The following CEP83 variants were observed in gnomAD, a reference collection of about 807,000 sequenced individuals.
The protein encoded by CEP83 is centrosomal protein 83.
A neutral mutation model predicts 101.9 loss-of-function variants in CEP83; 70 were observed. The ratio of observed to expected loss-of-function variants is 0.69; its 90% CI spans 0.57 to 0.84. CEP83 has a LOEUF of 0.84. Ranked by LOEUF, CEP83 falls within the 40% of genes least tolerant of loss-of-function variation. The pLI, the probability that CEP83 is intolerant of heterozygous loss-of-function variation, is 0.00. For missense variants in CEP83, 715 were observed against 787.2 expected (o/e 0.91, Z 1.10); for synonymous variants, 264 against 267.9 (o/e 0.99, Z 0.14).
chr12:94,393,244 A>G (rs1200065990), intron 6 of CEP83, among the ~76,000 whole-genome samples: 1 of 152,198 alleles, frequency 6.6e-6, no homozygotes, highest in African/African-American at 2.4e-5. Flanking sequence ...CTGGCAAACC[A>G]AATCCAGCAG....
chr12:94,378,395 G>T (rs1230164909), intron 7 of CEP83, among the ~76,000 whole-genome samples: 1 of 152,128 alleles, frequency 6.6e-6, no homozygotes, highest in African/African-American at 2.4e-5. Context: ...GTTCAAACAG[G>T]ATTTGTGACT....
intron 1 of CEP83, among the ~76,000 whole-genome samples, chr12:94,447,381 T>A (rs1328864396): frequency 6.6e-6 from 1 of 152,160 alleles, no homozygotes; most frequent in Non-Finnish European, 1.5e-5. Flanking sequence ...GGCACGTGCC[T>A]GTAGTTCCAG....
chr12:94,403,525 A>AAC (rs2063371240), intron 4 of CEP83, among the ~76,000 whole-genome samples: 1 of 152,236 alleles, frequency 6.6e-6, no homozygotes, highest in Non-Finnish European at 1.5e-5. Context: ...TGTTAGGAAT[A>AAC]ACTATGTTGG....
chr12:94,370,055 T>C lies in CEP83; in HGVS notation c.934-19A>G, dbSNP rs1466058582. The C allele has an allele frequency of 7.3e-7, 1 of 1,376,158 alleles. No individual in the cohort carries two copies. Among genetic ancestry groups the C allele is most frequent in the East Asian group, 2.3e-5 (1 of 43,628 alleles). 85.2% of individuals were successfully genotyped at this position (1,376,158 alleles called of 1,614,324 possible). A position where few individuals can be genotyped will look rare whatever the true frequency, so the allele number is the denominator to read the frequency against. On this transcript the variant is annotated intron_variant, in intron 8 of 16. Coordinates refer to ENST00000397809, the MANE Select transcript of CEP83 (RefSeq NM_016122.3). ...CTTTTACCTGTTGATAATTAAAAAC[T>C]GAAATTACTATTGGTCATTTTCTTG...
At chr12:94,393,343 T>C in intron 6 of CEP83, among the ~76,000 whole-genome samples, 1 of 152,140 alleles carries the variant, frequency 6.6e-6, no homozygotes, top group Non-Finnish European at 1.5e-5. Context: ...ATAAACATAA[T>C]CCAGCATATA....
At chr12:94,390,788 C>G (rs1017242369) in intron 6 of CEP83, among the ~76,000 whole-genome samples, 14 of 152,070 alleles carry the variant, frequency 9.2e-5, no homozygotes, top group African/African-American at 3.1e-4. Flanking sequence ...CTTCAATGAC[C>G]TGATGGAGTG....
At chr12:94,458,391 G>A (rs1251771381) in intron 1 of CEP83, among the ~76,000 whole-genome samples, 2 of 152,060 alleles carry the variant, frequency 1.3e-5, no homozygotes, top group Non-Finnish European at 2.9e-5. Flanking sequence ...ATAACCAAAG[G>A]ACAACTCAAA....
At chr12:94,303,779 C>G (rs1181590932), downstream of CEP83, 3 of 1,420,932 alleles carry the variant, frequency 2.1e-6, no homozygotes, top group Admixed American at 2.1e-5. Flanking sequence ...ATAAGCTTCT[C>G]TATGCCAAGG....
chr12:94,360,326 A>G (rs981156983), intron 11 of CEP83, among the ~76,000 whole-genome samples: 3 of 152,080 alleles, frequency 2.0e-5, no homozygotes, highest in Admixed American at 6.5e-5. Flanking sequence ...AAAAAGGAGA[A>G]AGTCAAAACT....
In CEP83 at chr12:94,363,759, G is replaced by A. The variant is rs141039146; in HGVS notation, c.1343+4035C>T. On this transcript the variant is annotated intron_variant, in intron 11 of 16. Transcript: ENST00000397809. Reference sequence around the variant, plus strand: ...AGGTCATGAGTTCGAGACCAGCCTGGCCAACATGGTGAAACGGCATCTCTA... The same window carrying A: ...AGGTCATGAGTTCGAGACCAGCCTGACCAACATGGTGAAACGGCATCTCTA... Among the ~76,000 whole-genome samples the A allele has an allele frequency of 2.1e-3, 325 of 152,016 alleles. 1 individual carries two copies. The highest frequency in any genetic ancestry group is 7.4e-3 in the African/African-American group (305 of 41,464).
At chr12:94,371,058 C>A (rs2061280093) in intron 8 of CEP83, among the ~76,000 whole-genome samples, 1 of 152,074 alleles carries the variant, frequency 6.6e-6, no homozygotes, top group South Asian at 2.1e-4. Flanking sequence ...GTAGAAGGAA[C>A]AGCATACAAA....
chr12:94,428,331 CCT>C lies in CEP83; in HGVS notation c.-102+6942_-102+6943del, dbSNP rs2065363718. Among the ~76,000 whole-genome samples the C allele has an allele frequency of 5.9e-5, 9 of 152,296 alleles. No individual in the cohort carries two copies. In the South Asian group the frequency reaches 1.9e-3, roughly 32 times the overall value. The stretch of plus-strand genomic sequence containing the variant: ...CCAGAAGATTTATGAGCACTTAGCA[CCT>C]CTGTGTGAGTTGTATATTCTTCTTT... On this transcript the variant is annotated intron_variant, in intron 2 of 16. Transcript: ENST00000397809.
Position 94,367,900 on chromosome 12 carries a change from C to T in CEP83, c.1237G>A (p.Val413Met). 6.2e-7 allele frequency: 1 copy of T among 1,613,730 alleles called. No homozygotes were observed. The highest frequency in any genetic ancestry group is 8.5e-7 in the Non-Finnish European group (1 of 1,179,788). ...NRLADLEKMK[V>M]EHDVWRQSEK... is the part of the protein sequence containing the mutation. ...GATTGCCTCCAGACATCATGTTCCA[C>T]TTTCATTTTCTCCAAATCTGCTAAT... Residue 413 changes from valine (V) to methionine (M), a missense_variant, in exon 11 of 17, where the codon GTG (valine) becomes ATG (methionine). Transcript: ENST00000397809.
At chr12:94,370,119 A>C (rs1489482584) in intron 8 of CEP83, 83 bp from the exon 9 acceptor site, 39 of 768,918 alleles carry the variant, frequency 5.1e-5, no homozygotes, top group Non-Finnish European at 8.0e-5. Context: ...TGGAAACAAG[A>C]AAACGCTCTG....
chr12:94,410,921 T>C (rs760243635), intron 4 of CEP83, among the ~76,000 whole-genome samples: 1 of 151,960 alleles, frequency 6.6e-6, no homozygotes, highest in East Asian at 1.9e-4. Context: ...TATCTAAGAG[T>C]TGGGTGATAT....
At chr12:94,427,207 T>C (rs2065268819) in intron 2 of CEP83, among the ~76,000 whole-genome samples, 1 of 152,232 alleles carries the variant, frequency 6.6e-6, no homozygotes, top group Non-Finnish European at 1.5e-5. Flanking sequence ...ATACATTAGA[T>C]GCTTGAAATA....
chr12:94,442,324 C>T (rs1224355434), intron 1 of CEP83, among the ~76,000 whole-genome samples: 1 of 149,452 alleles, frequency 6.7e-6, no homozygotes, highest in Non-Finnish European at 1.5e-5. Flanking sequence ...TATGAGAATG[C>T]AAAGGCATAA....
intron 14 of CEP83, among the ~76,000 whole-genome samples, chr12:94,331,479 G>A (rs149676805): frequency 1.4e-5 from 2 of 141,710 alleles, no homozygotes; most frequent in African/African-American, 5.3e-5. Context: ...CCATTCTCCT[G>A]TCTCAGCCTC....
intron 8 of CEP83, among the ~76,000 whole-genome samples, 165 bp from the exon 9 acceptor site, chr12:94,370,201 G>A (rs1319331260): frequency 1.3e-5 from 2 of 152,184 alleles, no homozygotes; most frequent in African/African-American, 4.8e-5. Flanking sequence ...CTTCAAGTAA[G>A]GAGACATTAA....
Sources: allele counts gnomAD v4.1 joint callset (sites outside exome capture counted in the v4.1 genomes callset), GRCh38; gene constraint gnomAD v4.1.1; transcripts MANE v1.5; gene names NCBI Gene and HGNC (gene_info 2026-07-23, HGNC 2026-07-21).